The following ASTN2 variants were observed in gnomAD, a reference collection of about 807,000 sequenced individuals.
ASTN2 encodes astrotactin 2.
In ASTN2, 54 loss-of-function variants were observed where a neutral mutation model predicts 139.8. The ratio of observed to expected loss-of-function variants is 0.39; its 90% confidence interval spans 0.31 to 0.48. ASTN2 has a LOEUF of 0.48. Among genes scored for constraint, ASTN2 ranks in the 20% least tolerant of loss-of-function variants. The pLI is 0.95. For synonymous variants in ASTN2, 756 were observed against 719.5 expected, an observed-to-expected ratio of 1.05 and a Z score of -0.81; for missense variants, 1,565 against 1,725.1, an observed-to-expected ratio of 0.91 and a Z score of 1.64.
rs1442868257 is a variant in ASTN2 at position 117,214,406 on chromosome 9, C to T, written c.967G>A (p.Asp323Asn). ...TCTTCCCCTGGATGTCCCAGACTGT[C>T]CAGAGTGTGGGTCACCTGGCTGCCA... is the stretch of plus-strand genomic sequence containing the variant. ...EFGSQVTHTL[D>N]SLGHPGEEKV... The change falls in exon 3 of 23, where the codon GAC (aspartate) becomes AAC (asparagine). Residue 323 changes from aspartate to asparagine, a missense_variant. Physicochemically the swap from Asp to Asn is conservative, Grantham distance 23. Around this residue, in one of 4 missense-constraint regions of ASTN2, gnomAD observed 596 missense variants for 576.8 expected, o/e 1.03. Coordinates refer to ENST00000313400, the MANE Select transcript of ASTN2 (RefSeq NM_001365068.1). 1 of 1,613,618 alleles carries T rather than the reference C, an allele frequency of 6.2e-7. No individual in the cohort carries two copies. Among genetic ancestry groups the T allele is most frequent in the African/African-American group, 1.3e-5 (1 of 74,928 alleles).
intron 7 of ASTN2, among the ~76,000 whole-genome samples, chr9:116,995,096 A>G (rs970854192): frequency 6.6e-6 from 1 of 152,150 alleles, no homozygotes; most frequent in South Asian, 2.1e-4. Flanking sequence ...TCCAGAGTGC[A>G]AGCTCTTGAC....
intron 20 of ASTN2, among the ~76,000 whole-genome samples, chr9:116,481,150 G>A (rs1463368125): frequency 1.3e-5 from 2 of 151,486 alleles, no homozygotes; most frequent in East Asian, 2.0e-4. Flanking sequence ...CACTTTGGGA[G>A]GCTGAGGCAG....
chr9:116,667,380 A>G (rs1858931762), intron 16 of ASTN2, among the ~76,000 whole-genome samples: 1 of 152,204 alleles, frequency 6.6e-6, no homozygotes, highest in Admixed American at 6.6e-5. Context: ...TCTGTTTGCA[A>G]TATACACTGG....
At chr9:116,577,394 T>C (rs1174702039) in intron 19 of ASTN2, among the ~76,000 whole-genome samples, 2 of 151,868 alleles carry the variant, frequency 1.3e-5, no homozygotes, top group African/African-American at 4.8e-5. Flanking sequence ...TAGCTGGGTG[T>C]GGTGGCTTGT....
At chr9:116,501,869 A>T (rs1375202373) in intron 19 of ASTN2, among the ~76,000 whole-genome samples, 1 of 150,812 alleles carries the variant, frequency 6.6e-6, no homozygotes, top group Non-Finnish European at 1.5e-5. Context: ...AAAAAAAAAC[A>T]GCACCAGTGG....
intron 15 of ASTN2, among the ~76,000 whole-genome samples, chr9:116,726,422 C>T (rs1228088215): frequency 2.0e-5 from 3 of 152,130 alleles, no homozygotes; most frequent in Non-Finnish European, 4.4e-5. Context: ...CTTGAACTTC[C>T]AGGTAGAGAA....
At chr9:116,835,261 T>C (rs571826227) in intron 11 of ASTN2, among the ~76,000 whole-genome samples, 2 of 152,258 alleles carry the variant, frequency 1.3e-5, no homozygotes, top group East Asian at 3.9e-4. Flanking sequence ...GTTTATTTAA[T>C]CCTATACATT....
At chr9:117,095,278 T>A (rs1828812586) in intron 5 of ASTN2, among the ~76,000 whole-genome samples, 1 of 152,312 alleles carries the variant, frequency 6.6e-6, no homozygotes, top group Non-Finnish European at 1.5e-5. Context: ...AGATGAAGAA[T>A]CACATTCACA....
chr9:116,739,040 A>T (rs1829023049), intron 13 of ASTN2, among the ~76,000 whole-genome samples: 1 of 152,110 alleles, frequency 6.6e-6, no homozygotes, highest in South Asian at 2.1e-4. Flanking sequence ...ACACAAACAC[A>T]CAGATAAGCA....
At chr9:116,489,172 A>G (rs1849431890) in intron 19 of ASTN2, among the ~76,000 whole-genome samples, 1 of 152,164 alleles carries the variant, frequency 6.6e-6, no homozygotes, top group East Asian at 1.9e-4. Context: ...TGAAACCATA[A>G]AAGAACAATA....
At chr9:117,062,306 C>G (rs1013085200) in intron 5 of ASTN2, among the ~76,000 whole-genome samples, 2 of 152,178 alleles carry the variant, frequency 1.3e-5, no homozygotes, top group East Asian at 1.9e-4. Flanking sequence ...CCACAACTAT[C>G]TCTAGACAGC....
At chr9:116,817,819 A>G (rs1480655382) in intron 12 of ASTN2, among the ~76,000 whole-genome samples, 1 of 152,222 alleles carries the variant, frequency 6.6e-6, no homozygotes, top group Non-Finnish European at 1.5e-5. Context: ...GTATAATTTC[A>G]TTTAATCTTC....
chr9:116,790,971 GAAAGAAAGAAAGAA>G (rs1830522690), intron 13 of ASTN2, among the ~76,000 whole-genome samples: 1 of 16,270 alleles, frequency 6.1e-5, no homozygotes, highest in Non-Finnish European at 1.6e-4. Context: ...AAGAAGGAAA[GAAAGAAAGAAAGAA>G]AGAAAGAAAG....
At chr9:116,846,502 A>G (rs1207270966) in intron 11 of ASTN2, among the ~76,000 whole-genome samples, 11 of 152,184 alleles carry the variant, frequency 7.2e-5, no homozygotes, top group Non-Finnish European at 1.0e-4. Context: ...ATGTTTCAGG[A>G]TGGTTTCTGA....
Position 117,180,757 on chromosome 9 carries a change from A to G in ASTN2, c.1015+33601T>C, listed in dbSNP as rs1588047709. 3.3e-5 allele frequency: 52 copies of G among 1,572,946 alleles called. No individual in the cohort carries two copies. In the East Asian group the frequency reaches 1.1e-3, roughly 34 times the overall value. On this transcript the variant is annotated intron_variant, in intron 3 of 22. Coordinates refer to ENST00000313400, the MANE Select transcript of ASTN2 (RefSeq NM_001365068.1). The stretch of plus-strand genomic sequence containing the variant: ...AGGGCCACGACTGGGGATGTACTTG[A>G]CCCCACAGCCATCAGGGATGAGCTG...
At chr9:116,594,315 T>C (rs1254027937) in intron 19 of ASTN2, among the ~76,000 whole-genome samples, 1 of 152,208 alleles carries the variant, frequency 6.6e-6, no homozygotes, top group Non-Finnish European at 1.5e-5. Context: ...GTTTTAGGGT[T>C]ATCAAAACAA....
chr9:117,075,228 A>G (rs1828247470), intron 5 of ASTN2, among the ~76,000 whole-genome samples: 1 of 152,138 alleles, frequency 6.6e-6, no homozygotes, highest in Non-Finnish European at 1.5e-5. Flanking sequence ...AAATCTCCCA[A>G]AGGAGTCCAG....
At chr9:116,839,723 T>C (rs1457289217) in intron 11 of ASTN2, among the ~76,000 whole-genome samples, 1 of 151,910 alleles carries the variant, frequency 6.6e-6, no homozygotes, top group Non-Finnish European at 1.5e-5. Context: ...CAAGCTGGAC[T>C]GCAGTGGCGT....
intron 7 of ASTN2, among the ~76,000 whole-genome samples, chr9:116,978,487 T>TCACGCGCA (rs1240343774): frequency 7.8e-5 from 10 of 128,818 alleles, no homozygotes; most frequent in South Asian, 7.0e-4. Context: ...TCTCTCTCTC[T>TCACGCGCA]CTCTCACGCA....
Sources: allele counts gnomAD v4.1 joint callset (sites outside exome capture counted in the v4.1 genomes callset), GRCh38; gene constraint gnomAD v4.1.1; regional missense constraint gnomAD v4.1.1; transcripts MANE v1.5; gene names NCBI Gene and HGNC (gene_info 2026-07-23, HGNC 2026-07-21).